The following SERPINI2 variants were observed in gnomAD, a reference collection of about 807,000 sequenced individuals.
SERPINI2 encodes the protein serpin family I member 2.
A neutral mutation model predicts 47.3 loss-of-function variants in SERPINI2; 48 were observed. That is an observed-to-expected ratio of 1.02 (90% CI 0.81 to 1.29). The LOEUF is 1.29. Among genes scored for constraint, SERPINI2 ranks in the 50% most tolerant of loss-of-function variants. SERPINI2 has a pLI of 0.00. For missense variants in SERPINI2, 448 were observed against 456.9 expected (o/e 0.98, Z 0.18); for synonymous variants, 135 against 149.3 (o/e 0.90, Z 0.70).
intron 5 of SERPINI2, among the ~76,000 whole-genome samples, chr3:167,457,290 G>C (rs1259135681): frequency 6.6e-6 from 1 of 152,190 alleles, no homozygotes; most frequent in Admixed American, 6.5e-5. Context: ...TAATTTCAGG[G>C]CTTCAAGGAC....
At chr3:167,459,029 C>A (rs796853626) in intron 5 of SERPINI2, among the ~76,000 whole-genome samples, 79 of 151,260 alleles carry the variant, frequency 5.2e-4, no homozygotes, top group African/African-American at 1.9e-3. Flanking sequence ...AATCTGGCGG[C>A]GTATAGCAAT....
At chr3:167,468,671 C>G (rs1750217939) in intron 2 of SERPINI2, among the ~76,000 whole-genome samples, 1 of 151,946 alleles carries the variant, frequency 6.6e-6, no homozygotes, top group African/African-American at 2.4e-5. Context: ...TCTTTATAAC[C>G]CTGAAATTCC....
At chr3:167,466,302 T>G (rs776754774) in intron 3 of SERPINI2, among the ~76,000 whole-genome samples, 14 of 152,184 alleles carry the variant, frequency 9.2e-5, no homozygotes, top group Admixed American at 6.5e-4. Context: ...TTTCAACTTA[T>G]GCTTCCCCAT....
upstream of SERPINI2, among the ~76,000 whole-genome samples, chr3:167,475,218 A>C (rs187534470): frequency 6.6e-6 from 1 of 151,834 alleles, no homozygotes; most frequent in Non-Finnish European, 1.5e-5. Flanking sequence ...TAACACAGAG[A>C]TAATTTTCCA....
intron 2 of SERPINI2, among the ~76,000 whole-genome samples, chr3:167,470,550 CTTTT>C (rs536884425): frequency 1.5e-4 from 14 of 93,034 alleles, no homozygotes; most frequent in African/African-American, 6.8e-4. Context: ...TGAGCAACAA[CTTTT>C]TTTTTTTTTT....
At chr3:167,452,316 A>G (rs1009482638) in intron 6 of SERPINI2, among the ~76,000 whole-genome samples, 13 of 152,112 alleles carry the variant, frequency 8.5e-5, no homozygotes, top group African/African-American at 3.1e-4. Flanking sequence ...AGTGTGTACC[A>G]CTGAGACTCG....
upstream of SERPINI2, among the ~76,000 whole-genome samples, chr3:167,476,886 G>C (rs559820490): frequency 6.6e-6 from 1 of 151,910 alleles, no homozygotes; most frequent in Admixed American, 6.6e-5. Context: ...TTTGGTACCC[G>C]CATTCTACTT....
chr3:167,459,078 G>GTTTTTTTTTTT (rs536122299), intron 5 of SERPINI2, among the ~76,000 whole-genome samples: 1 of 139,028 alleles, frequency 7.2e-6, no homozygotes, highest in African/African-American at 2.7e-5. Flanking sequence ...GTTTTTTTTT[G>GTTTTTTTTTTT]TTTTTTTTTT....
At chr3:167,450,711 C>T (rs147325600) in intron 6 of SERPINI2, among the ~76,000 whole-genome samples, 27 of 152,190 alleles carry the variant, frequency 1.8e-4, no homozygotes, top group African/African-American at 6.3e-4. Flanking sequence ...CCCAGGACTG[C>T]CTGGAAGAAG....
intron 5 of SERPINI2, among the ~76,000 whole-genome samples, chr3:167,463,971 C>CAGTTGCAGA (rs1750057802): frequency 6.9e-6 from 1 of 145,926 alleles, no homozygotes; most frequent in South Asian, 2.2e-4. Context: ...ACAAAATCAA[C>CAGTTGCAGA]AGTTGCAGTA....
At chr3:167,460,481 A>T (rs917490226) in intron 5 of SERPINI2, among the ~76,000 whole-genome samples, 2 of 152,222 alleles carry the variant, frequency 1.3e-5, no homozygotes, top group Admixed American at 6.5e-5. Context: ...TAAAATTGTT[A>T]ATGAACTAAA....
At chr3:167,462,798 T>C (rs904150936) in intron 5 of SERPINI2, among the ~76,000 whole-genome samples, 1 of 151,956 alleles carries the variant, frequency 6.6e-6, no homozygotes, top group African/African-American at 2.4e-5. Context: ...ACTGTGGGAA[T>C]AGTTGTATGG....
At chr3:167,463,166 C>G (rs1750030309) in intron 5 of SERPINI2, among the ~76,000 whole-genome samples, 2 of 151,500 alleles carry the variant, frequency 1.3e-5, no homozygotes, top group South Asian at 4.2e-4. Context: ...AGAAAGTGAT[C>G]ATTTCAAAGC....
At chr3:167,452,382 G>A (rs1465030529) in intron 6 of SERPINI2, among the ~76,000 whole-genome samples, 1 of 152,088 alleles carries the variant, frequency 6.6e-6, no homozygotes, top group East Asian at 1.9e-4. Context: ...TAACCATGCA[G>A]GATTCCCCTG....
chr3:167,450,214 C>G (rs892538194), intron 6 of SERPINI2, among the ~76,000 whole-genome samples: 2 of 152,192 alleles, frequency 1.3e-5, no homozygotes, highest in Non-Finnish European at 2.9e-5. Flanking sequence ...TCACCTGTTA[C>G]AAAATCACTT....
exon 9 of SERPINI2, chr3:167,442,084 T>A (rs1749344246): frequency 6.4e-7 from 1 of 1,553,852 alleles, no homozygotes; most frequent in African/African-American, 1.4e-5. Context: ...GAAATCATCT[T>A]TTATTCTGAG....
At chr3:167,465,649 C>T (rs1750111912) in exon 4 of SERPINI2, 2 of 1,609,420 alleles carry the variant, frequency 1.2e-6, no homozygotes, top group African/African-American at 2.7e-5. Flanking sequence ...AAATTCTTCC[C>T]CTGAAAACAT....
At chr3:167,470,485 A>G (rs1469164174) in intron 2 of SERPINI2, among the ~76,000 whole-genome samples, 1 of 151,652 alleles carries the variant, frequency 6.6e-6, no homozygotes, top group Non-Finnish European at 1.5e-5. Flanking sequence ...GAGTAATCCA[A>G]AAGCTGAAAA....
At chr3:167,461,553 G>T (rs922379029) in intron 5 of SERPINI2, among the ~76,000 whole-genome samples, 1 of 151,912 alleles carries the variant, frequency 6.6e-6, no homozygotes, top group Non-Finnish European at 1.5e-5. Context: ...GATGACGAGG[G>T]CGTAAGCTAT....
Sources: allele counts gnomAD v4.1 joint callset (sites outside exome capture counted in the v4.1 genomes callset), GRCh38; gene constraint gnomAD v4.1.1; transcripts MANE v1.5; gene names NCBI Gene and HGNC (gene_info 2026-07-23, HGNC 2026-07-21).